The following SGCZ variants were observed in gnomAD, a reference collection of about 807,000 sequenced individuals.
SGCZ encodes sarcoglycan zeta, also known as zeta-sarcoglycan.
SGCZ carries 40 observed loss-of-function variants against 41.3 expected under a neutral mutation model. The ratio of observed to expected loss-of-function variants is 0.97; its 90% confidence interval spans 0.75 to 1.26. The LOEUF is 1.26. Among genes scored for constraint, SGCZ ranks in the 50% most tolerant of loss-of-function variants. The pLI is 0.00. For synonymous variants in SGCZ, 206 were observed against 137.5 expected, an observed-to-expected ratio of 1.50 and a Z score of -3.49; for missense variants, 552 against 369.8, an observed-to-expected ratio of 1.49 and a Z score of -4.04.
intron 1 of SGCZ, among the ~76,000 whole-genome samples, chr8:14,567,025 C>T (rs192958575): frequency 7.4e-4 from 113 of 152,306 alleles, no homozygotes; most frequent in Middle Eastern, 3.4e-3. Flanking sequence ...CCAGCAGTGC[C>T]GGCTCCCCGG....
intron 1 of SGCZ, among the ~76,000 whole-genome samples, chr8:14,747,925 C>G (rs1563243591): frequency 6.7e-6 from 1 of 149,736 alleles, no homozygotes; most frequent in Non-Finnish European, 1.5e-5. Flanking sequence ...AGAGTTTCGC[C>G]ATGTTGGCCA....
intron 1 of SGCZ, among the ~76,000 whole-genome samples, chr8:14,978,783 T>A (rs1178151866): frequency 7.1e-6 from 1 of 141,248 alleles, no homozygotes; most frequent in Non-Finnish European, 1.6e-5. Context: ...TTTCCTGCCA[T>A]CAGAGTTTAC....
intron 1 of SGCZ, among the ~76,000 whole-genome samples, chr8:14,726,324 C>CTATATATA (rs1362751704): frequency 3.3e-5 from 4 of 121,174 alleles, no homozygotes; most frequent in Non-Finnish European, 6.6e-5. Context: ...ATATATATAT[C>CTATATATA]TATATATATA....
intron 1 of SGCZ, among the ~76,000 whole-genome samples, chr8:14,723,310 G>A (rs1809949232): frequency 6.6e-6 from 1 of 152,188 alleles, no homozygotes; most frequent in South Asian, 2.1e-4. Context: ...TGAACACCAG[G>A]GCTTGTTCCT....
intron 1 of SGCZ, among the ~76,000 whole-genome samples, chr8:14,657,548 G>A (rs1563183630): frequency 6.6e-6 from 1 of 152,014 alleles, no homozygotes; most frequent in Non-Finnish European, 1.5e-5. Context: ...ATATGCTCAG[G>A]AAAAGTATAC....
intron 1 of SGCZ, among the ~76,000 whole-genome samples, chr8:15,144,128 G>C (rs1425833100): frequency 6.6e-6 from 1 of 152,130 alleles, no homozygotes; most frequent in Non-Finnish European, 1.5e-5. Flanking sequence ...TGCTTTCTGG[G>C]TGAGAGGAAA....
chr8:14,382,074 G>A (rs183210311), intron 2 of SGCZ, among the ~76,000 whole-genome samples: 2 of 152,208 alleles, frequency 1.3e-5, no homozygotes, highest in Admixed American at 6.5e-5. Flanking sequence ...AAAGCGGCAG[G>A]AAAAATGAAT....
At chr8:14,727,241 C>T (rs560546867) in intron 1 of SGCZ, among the ~76,000 whole-genome samples, 1 of 152,138 alleles carries the variant, frequency 6.6e-6, no homozygotes, top group African/African-American at 2.4e-5. Context: ...CATCTTTACT[C>T]AACAGGATTA....
chr8:14,798,798 T>C (rs1419731627), intron 1 of SGCZ, among the ~76,000 whole-genome samples: 1 of 152,064 alleles, frequency 6.6e-6, no homozygotes, highest in African/African-American at 2.4e-5. Flanking sequence ...GTCCATTCTA[T>C]TATAAAACTA....
chr8:14,579,328 T>C (rs1383734490), intron 1 of SGCZ, among the ~76,000 whole-genome samples: 1 of 152,194 alleles, frequency 6.6e-6, no homozygotes, highest in East Asian at 1.9e-4. Flanking sequence ...CACATGAATG[T>C]AAATTATAAA....
intron 1 of SGCZ, among the ~76,000 whole-genome samples, chr8:14,668,107 CG>C (rs1807976055): frequency 1.3e-5 from 2 of 152,016 alleles, no homozygotes; most frequent in Non-Finnish European, 2.9e-5. Flanking sequence ...CAGGCACCCC[CG>C]CCACCACACC....
At chr8:14,214,588 C>G (rs1019366277) in intron 4 of SGCZ, among the ~76,000 whole-genome samples, 1 of 151,834 alleles carries the variant, frequency 6.6e-6, no homozygotes, top group Non-Finnish European at 1.5e-5. Context: ...TAGAGGTTAA[C>G]AGAATGGATT....
At chr8:14,356,678 T>A (rs1022109526) in intron 2 of SGCZ, among the ~76,000 whole-genome samples, 9 of 152,094 alleles carry the variant, frequency 5.9e-5, no homozygotes, top group African/African-American at 2.2e-4. Flanking sequence ...AGGCATAATT[T>A]TGAACATTTG....
chr8:14,486,581 C>T (rs559149647), intron 2 of SGCZ, among the ~76,000 whole-genome samples: 3 of 152,198 alleles, frequency 2.0e-5, no homozygotes, highest in South Asian at 2.1e-4. Context: ...TGTGTGTGTG[C>T]GCGCGCGTGC....
At chr8:15,083,677 T>C (rs996710068) in intron 1 of SGCZ, among the ~76,000 whole-genome samples, 11 of 152,098 alleles carry the variant, frequency 7.2e-5, no homozygotes, top group African/African-American at 2.4e-4. Flanking sequence ...GCCTCCAGAG[T>C]AGCTGAGGCC....
chr8:14,472,772 G>C (rs903442537), intron 2 of SGCZ, among the ~76,000 whole-genome samples: 1 of 151,970 alleles, frequency 6.6e-6, no homozygotes, highest in Non-Finnish European at 1.5e-5. Flanking sequence ...TGTGTATGTA[G>C]AATAGTTTAA....
intron 3 of SGCZ, chr8:14,309,058 C>T (rs1174426970): frequency 3.6e-6 from 5 of 1,380,642 alleles, no homozygotes; most frequent in Non-Finnish European, 5.0e-6. Context: ...CTCTTAATTC[C>T]CCAACTACAG....
chr8:14,370,022 G>A (rs890638438), intron 2 of SGCZ, among the ~76,000 whole-genome samples: 3 of 152,060 alleles, frequency 2.0e-5, no homozygotes, highest in Middle Eastern at 3.4e-3. Flanking sequence ...GTCTTTTCAA[G>A]ATGTACCAAT....
intron 1 of SGCZ, among the ~76,000 whole-genome samples, chr8:14,752,426 T>G (rs543031745): frequency 1.1e-3 from 170 of 152,316 alleles, no homozygotes; most frequent in Non-Finnish European, 2.0e-3. Context: ...TTATTTTGCT[T>G]GGGCCAATTT....
Sources: allele counts gnomAD v4.1 joint callset (sites outside exome capture counted in the v4.1 genomes callset), GRCh38; gene constraint gnomAD v4.1.1; transcripts MANE v1.5; gene names NCBI Gene and HGNC (gene_info 2026-07-23, HGNC 2026-07-21).